NRXN1: variants seen among roughly 807,000 people sequenced by gnomAD.
The protein encoded by NRXN1 is neurexin-1.
A neutral mutation model predicts 150.9 loss-of-function variants in NRXN1; 39 were observed. The observed-to-expected ratio is 0.26, with a 90% CI of 0.20 to 0.34. The LOEUF (loss-of-function observed/expected upper bound fraction) is 0.34, where lower values mean the gene tolerates loss of function less well. Among genes scored for constraint, NRXN1 ranks in the 10% least tolerant of loss-of-function variants. NRXN1 has a pLI of 1.00. For missense variants in NRXN1, 1,815 were observed against 1,949.9 expected, an observed-to-expected ratio of 0.93 and a Z score of 1.30; for synonymous variants, 924 against 757.0, an observed-to-expected ratio of 1.22 and a Z score of -3.62.
chr2:50,544,372 A>G (rs1024992579), intron 9 of NRXN1, among the ~76,000 whole-genome samples: 1 of 152,106 alleles, frequency 6.6e-6, no homozygotes, highest in Non-Finnish European at 1.5e-5. Context: ...AGTGTTATTT[A>G]AAAAATTTCT....
intron 21 of NRXN1, chr2:49,945,180 T>G (rs1352285539): frequency 2.0e-5 from 3 of 151,982 alleles, no homozygotes; most frequent in African/African-American, 7.2e-5. Context: ...ATTGGGAGAG[T>G]TTCTGGATTC....
intron 17 of NRXN1, among the ~76,000 whole-genome samples, chr2:50,276,669 A>T (rs13421566): frequency 0.11 from 16,292 of 152,156 alleles, 953 homozygotes; most frequent in East Asian, 0.18. Flanking sequence ...TGTCAAAGGC[A>T]CTTTGCTTCC....
chr2:50,812,752 G>A (rs1668402528), intron 5 of NRXN1, among the ~76,000 whole-genome samples: 1 of 149,706 alleles, frequency 6.7e-6, no homozygotes, highest in Non-Finnish European at 1.5e-5. Flanking sequence ...GAGCGCATGT[G>A]TGTGTGTGTG....
At chr2:50,777,619 T>C (rs561445252) in intron 5 of NRXN1, among the ~76,000 whole-genome samples, 1 of 152,258 alleles carries the variant, frequency 6.6e-6, no homozygotes, top group African/African-American at 2.4e-5. Context: ...TGGCATTAAG[T>C]AATACCAGGA....
intron 17 of NRXN1, among the ~76,000 whole-genome samples, chr2:50,437,105 G>A (rs556204291): frequency 2.0e-5 from 3 of 152,232 alleles, no homozygotes; most frequent in Non-Finnish European, 2.9e-5. Context: ...CTACTTTCAA[G>A]CTCATACGTG....
chr2:50,274,111 G>C (rs931486636), intron 17 of NRXN1, among the ~76,000 whole-genome samples: 9 of 152,114 alleles, frequency 5.9e-5, no homozygotes, highest in Admixed American at 2.0e-4. Context: ...CAATAGCAAA[G>C]ACTTGGCACC....
chr2:50,116,666 C>T (rs1703114289), intron 18 of NRXN1, among the ~76,000 whole-genome samples: 1 of 152,106 alleles, frequency 6.6e-6, no homozygotes, highest in African/African-American at 2.4e-5. Flanking sequence ...TTCCCCACAT[C>T]TCTTCTTCTG....
chr2:50,235,249 C>G (rs1008655648), intron 18 of NRXN1, among the ~76,000 whole-genome samples: 3 of 152,084 alleles, frequency 2.0e-5, no homozygotes, highest in African/African-American at 7.2e-5. Flanking sequence ...AGATTCCTTA[C>G]TGTACTAGTA....
intron 18 of NRXN1, among the ~76,000 whole-genome samples, chr2:50,115,882 C>G (rs1162082963): frequency 1.3e-5 from 2 of 152,102 alleles, no homozygotes; most frequent in Non-Finnish European, 2.9e-5. Flanking sequence ...TATAAGCAGT[C>G]TGTCTTTTTA....
intron 8 of NRXN1, among the ~76,000 whole-genome samples, chr2:50,590,508 G>GAC (rs1414997597): frequency 6.6e-6 from 1 of 152,020 alleles, no homozygotes; most frequent in Non-Finnish European, 1.5e-5. Context: ...CATTCCCCTG[G>GAC]ACAACTAACA....
At chr2:50,091,770 C>T (rs1699617874) in intron 18 of NRXN1, among the ~76,000 whole-genome samples, 1 of 152,216 alleles carries the variant, frequency 6.6e-6, no homozygotes, top group Non-Finnish European at 1.5e-5. Flanking sequence ...AGGCGCACAG[C>T]TGCCTGCACA....
chr2:50,761,500 G>GT (rs1701799750), intron 5 of NRXN1, among the ~76,000 whole-genome samples: 1 of 151,908 alleles, frequency 6.6e-6, no homozygotes, highest in African/African-American at 2.4e-5. Flanking sequence ...TGATTGTGAG[G>GT]CCTCCCAGCC....
chr2:50,768,680 G>C (rs1702638292), intron 5 of NRXN1, among the ~76,000 whole-genome samples: 1 of 151,872 alleles, frequency 6.6e-6, no homozygotes, highest in Non-Finnish European at 1.5e-5. Context: ...TGATTCAGTG[G>C]TCAGCAGTAA....
intron 5 of NRXN1, among the ~76,000 whole-genome samples, chr2:50,699,426 G>C (rs1361635412): frequency 1.3e-5 from 2 of 152,148 alleles, no homozygotes; most frequent in African/African-American, 4.8e-5. Flanking sequence ...CTCATTGCAT[G>C]AGTTCTTCAA....
intron 21 of NRXN1, among the ~76,000 whole-genome samples, chr2:50,043,461 A>G (rs1691329239): frequency 6.6e-6 from 1 of 152,208 alleles, no homozygotes; most frequent in Non-Finnish European, 1.5e-5. Context: ...CAGAATTTGA[A>G]AGGATATTAA....
chr2:50,786,620 C>T (rs551272617), intron 5 of NRXN1, among the ~76,000 whole-genome samples: 2 of 152,182 alleles, frequency 1.3e-5, no homozygotes, highest in South Asian at 4.2e-4. Context: ...ATTCTTCTAC[C>T]TGCTTAAGGA....
At chr2:50,545,825 T>A (rs2105305672) in intron 9 of NRXN1, among the ~76,000 whole-genome samples, 1 of 152,322 alleles carries the variant, frequency 6.6e-6, no homozygotes, top group Non-Finnish European at 1.5e-5. Context: ...ATACTTGAGT[T>A]CCTGATACAA....
At chr2:50,977,511 T>G (rs1696055726) in intron 2 of NRXN1, among the ~76,000 whole-genome samples, 1 of 151,942 alleles carries the variant, frequency 6.6e-6, no homozygotes, top group African/African-American at 2.4e-5. Context: ...ATGAAATTAT[T>G]TAAACTCTCA....
chr2:50,801,511 T>A (rs140330605), intron 5 of NRXN1, among the ~76,000 whole-genome samples: 2 of 152,144 alleles, frequency 1.3e-5, no homozygotes, highest in Non-Finnish European at 2.9e-5. Flanking sequence ...ATGGCAGGAC[T>A]AAATGCGAGG....
Sources: allele counts gnomAD v4.1 joint callset (sites outside exome capture counted in the v4.1 genomes callset), GRCh38; gene constraint gnomAD v4.1.1; transcripts MANE v1.5; gene names NCBI Gene and HGNC (gene_info 2026-07-23, HGNC 2026-07-21).